The following KAZN variants were observed in gnomAD, a reference collection of about 807,000 sequenced individuals.
KAZN encodes the protein kazrin.
A neutral mutation model predicts 87.4 loss-of-function variants in KAZN; 40 were observed. That is an observed-to-expected ratio of 0.46 (90% CI 0.36 to 0.60). The LOEUF is 0.60. Among genes scored for constraint, KAZN ranks in the 20% least tolerant of loss-of-function variants. The probability of loss-of-function intolerance (pLI) is 0.00; values close to 1 mark genes in which losing one functional copy is unlikely to be tolerated. For missense variants in KAZN, 898 were observed against 1,073.9 expected (o/e 0.84, Z 2.29); for synonymous variants, 466 against 458.3 (o/e 1.02, Z -0.22).
intron 2 of KAZN, among the ~76,000 whole-genome samples, chr1:14,370,217 A>G (rs1660364178): frequency 1.3e-5 from 2 of 152,148 alleles, no homozygotes; most frequent in Admixed American, 1.3e-4. Flanking sequence ...GGGCAGGGAG[A>G]TGGGCCATCC....
intron 2 of KAZN, among the ~76,000 whole-genome samples, chr1:14,283,976 T>C (rs1393293238): frequency 1.3e-5 from 2 of 152,104 alleles, no homozygotes; most frequent in African/African-American, 4.8e-5. Flanking sequence ...CTCGGAAACA[T>C]TATGCTAAGT....
chr1:14,044,071 C>T (rs972100059), intron 1 of KAZN, among the ~76,000 whole-genome samples: 4 of 152,050 alleles, frequency 2.6e-5, no homozygotes, highest in African/African-American at 7.2e-5. Context: ...CAAATGGCTT[C>T]TTCAATCATG....
chr1:14,646,352 A>C (rs1680808703), intron 1 of KAZN, among the ~76,000 whole-genome samples: 1 of 152,196 alleles, frequency 6.6e-6, no homozygotes, highest in Admixed American at 6.5e-5. Context: ...TCAAAGCTGC[A>C]GTTGAGCCAT....
intron 1 of KAZN, among the ~76,000 whole-genome samples, chr1:14,040,936 G>A (rs540928011): frequency 1.3e-5 from 2 of 152,050 alleles, no homozygotes; most frequent in South Asian, 4.2e-4. Context: ...ACAGAGAGAA[G>A]CCATTTTTTA....
In KAZN at chr1:14,767,873, T is replaced by G. The variant is rs768122167; in HGVS notation, c.226+168650T>G. ...GACCTTGAGCTGCCAGAATGTGGAATACAGGACTGCAGAGGGGAAAATAAG... is the reference window on the plus strand; with the variant it reads ...GACCTTGAGCTGCCAGAATGTGGAAGACAGGACTGCAGAGGGGAAAATAAG... On this transcript the variant is annotated intron_variant, in intron 1 of 14. Coordinates refer to ENST00000376030, the MANE Select transcript of KAZN (RefSeq NM_201628.3). Among the ~76,000 whole-genome samples the G allele has an allele frequency of 2.6e-5, 4 of 152,188 alleles. No homozygotes were observed. The East Asian group carries it at 7.7e-4, about 29-fold the overall frequency.
chr1:14,452,742 C>T (rs1043173749), intron 2 of KAZN, among the ~76,000 whole-genome samples: 6 of 152,102 alleles, frequency 3.9e-5, no homozygotes, highest in Admixed American at 6.5e-5. Context: ...TGCCCTTGAC[C>T]GCATTTTATG....
At chr1:14,823,849 T>C (rs1646806124) in intron 1 of KAZN, among the ~76,000 whole-genome samples, 1 of 152,056 alleles carries the variant, frequency 6.6e-6, no homozygotes, top group African/African-American at 2.4e-5. Flanking sequence ...CGTGGTGGCT[T>C]GCGCCTGTGA....
chr1:14,754,647 T>C (rs547232885), intron 1 of KAZN, among the ~76,000 whole-genome samples: 5 of 152,108 alleles, frequency 3.3e-5, no homozygotes, highest in Non-Finnish European at 7.4e-5. Flanking sequence ...TTAAAAAAAT[T>C]CAAATTCATT....
chr1:14,411,053 G>C (rs566165154), intron 2 of KAZN, among the ~76,000 whole-genome samples: 1 of 152,214 alleles, frequency 6.6e-6, no homozygotes, highest in East Asian at 1.9e-4. Context: ...TCAAGTTACA[G>C]GAAAGATAAA....
At chr1:13,995,890 C>T (rs1485161187) in intron 1 of KAZN, among the ~76,000 whole-genome samples, 1 of 152,154 alleles carries the variant, frequency 6.6e-6, no homozygotes, top group African/African-American at 2.4e-5. Flanking sequence ...CTTTGAAGCT[C>T]AACATGATAG....
chr1:14,472,028 T>C (rs1668482419), intron 2 of KAZN, among the ~76,000 whole-genome samples: 1 of 152,296 alleles, frequency 6.6e-6, no homozygotes, highest in South Asian at 2.1e-4. Flanking sequence ...CACCAGACGA[T>C]TCAGTGTCTG....
intron 2 of KAZN, among the ~76,000 whole-genome samples, chr1:14,478,694 C>T (rs888617004): frequency 3.3e-5 from 5 of 152,194 alleles, no homozygotes; most frequent in South Asian, 4.1e-4. Context: ...TTCATCCCTA[C>T]CTCGTGCTCC....
At chr1:15,039,301 G>A (rs1466614658) in intron 3 of KAZN, among the ~76,000 whole-genome samples, 2 of 152,188 alleles carry the variant, frequency 1.3e-5, no homozygotes, top group Non-Finnish European at 2.9e-5. Flanking sequence ...ATGGAAAGGG[G>A]TAGAGGCAGG....
chr1:14,477,774 C>T (rs2148383735), intron 2 of KAZN, among the ~76,000 whole-genome samples: 1 of 152,306 alleles, frequency 6.6e-6, no homozygotes, highest in Non-Finnish European at 1.5e-5. Flanking sequence ...AGTGGCAGTG[C>T]ACCTGGAGGA....
At chr1:14,612,849 T>G (rs1677931907) in intron 1 of KAZN, among the ~76,000 whole-genome samples, 2 of 152,222 alleles carry the variant, frequency 1.3e-5, no homozygotes, top group Admixed American at 6.5e-5. Flanking sequence ...ACTAACATAC[T>G]GTGCCTGGCA....
chr1:14,342,081 T>C (rs1657770546), intron 2 of KAZN, among the ~76,000 whole-genome samples: 1 of 152,176 alleles, frequency 6.6e-6, no homozygotes, highest in Non-Finnish European at 1.5e-5. Flanking sequence ...GAACATGTGG[T>C]ATTTGGTTTT....
intron 1 of KAZN, among the ~76,000 whole-genome samples, chr1:14,940,961 G>C (rs1305144913): frequency 1.4e-5 from 2 of 143,324 alleles, no homozygotes; most frequent in African/African-American, 5.4e-5. Flanking sequence ...TGTCGACCAG[G>C]CTGGAGTGCA....
chr1:14,672,943 C>T (rs1639999288), intron 1 of KAZN, among the ~76,000 whole-genome samples: 1 of 152,332 alleles, frequency 6.6e-6, no homozygotes, highest in African/African-American at 2.4e-5. Flanking sequence ...CTGGCTTAGG[C>T]ACAGCCTGAT....
intron 1 of KAZN, chr1:14,930,161 C>A (rs1638580403): frequency 1.3e-6 from 1 of 798,798 alleles, no homozygotes; most frequent in Non-Finnish European, 1.5e-6. Flanking sequence ...GTGCTGGACA[C>A]TGGGGACTGT....
Sources: gnomAD v4.1 joint callset for allele counts (sites outside exome capture counted in the v4.1 genomes callset) on GRCh38, gnomAD v4.1.1 for gene constraint, MANE v1.5 for transcripts, NCBI Gene and HGNC (gene_info 2026-07-23, HGNC 2026-07-21) for gene names.